Variants in DAB2IP observed in about 807,000 individuals in gnomAD.
DAB2IP encodes the protein disabled homolog 2-interacting protein.
DAB2IP carries 28 observed loss-of-function variants against 107.2 expected under a neutral mutation model. The observed-to-expected ratio is 0.26, with a 90% CI of 0.19 to 0.36. DAB2IP has a LOEUF of 0.36. Among genes scored for constraint, DAB2IP ranks in the 10% least tolerant of loss-of-function variants. The pLI, the probability that DAB2IP is intolerant of heterozygous loss-of-function variation, is 1.00. For synonymous variants in DAB2IP, 755 were observed against 706.4 expected, an observed-to-expected ratio of 1.07 and a Z score of -1.09; for missense variants, 1,400 against 1,644.7, an observed-to-expected ratio of 0.85 and a Z score of 2.57.
At chr9:121,622,289 C>T (rs1470305675) in intron 1 of DAB2IP, among the ~76,000 whole-genome samples, 6 of 152,172 alleles carry the variant, frequency 3.9e-5, no homozygotes, top group Admixed American at 3.9e-4. Flanking sequence ...CACCCGGCCC[C>T]GTTTGTGTTT....
chr9:121,604,845 A>G (rs1270345155), intron 1 of DAB2IP, among the ~76,000 whole-genome samples: 1 of 152,154 alleles, frequency 6.6e-6, no homozygotes, highest in African/African-American at 2.4e-5. Context: ...GCTTTGAATC[A>G]GGCATGATTT....
At chr9:121,757,276 A>ACT in intron 4 of DAB2IP, 110 bp downstream of exon 4, 1 of 1,430,158 alleles carries the variant, frequency 7.0e-7, no homozygotes, top group Non-Finnish European at 9.4e-7. Context: ...AGCAGGGGCC[A>ACT]GGGTCTTGGG....
In DAB2IP at chr9:121,634,578, T is replaced by C. The variant is rs536855461; in HGVS notation, c.41-44100T>C. ...CAGTTTGGAAGGGGTGACGCGCAGG[T>C]CTGAGAATGGGTGGGCAGTGGGGGT... On this transcript the variant is annotated intron_variant, in intron 1 of 16. Transcript: ENST00000259371. This position sits in a 1 kb window ranked among gnomAD's most constrained non-coding sequence, Gnocchi z 4.7. Among the ~76,000 whole-genome samples the C allele has an allele frequency of 1.2e-3, 179 of 151,880 alleles. 2 individuals carry two copies. The highest frequency in any genetic ancestry group is 3.9e-3 in the African/African-American group (162 of 41,392).
chr9:121,675,478 GC>G (rs1239866593), intron 1 of DAB2IP, among the ~76,000 whole-genome samples: 1 of 152,194 alleles, frequency 6.6e-6, no homozygotes, highest in Admixed American at 6.5e-5. Flanking sequence ...GCCTGGCACT[GC>G]CCATCTCCCA....
chr9:121,713,875 G>A (rs969397984), intron 3 of DAB2IP, among the ~76,000 whole-genome samples: 32 of 152,176 alleles, frequency 2.1e-4, no homozygotes, highest in African/African-American at 7.2e-4. Flanking sequence ...GGGGCTCTCT[G>A]ATGAACAGAA....
At position 121,651,748 on chromosome 9, in the gene DAB2IP, C is replaced by T. The variant is rs564516735; in HGVS notation, c.-28C>T. 3.3e-5 allele frequency: 43 copies of T among 1,306,556 alleles called. No individual in the cohort carries two copies. Among genetic ancestry groups the T allele is most frequent in the South Asian group, 1.0e-4 (5 of 48,560 alleles). 80.9% of individuals were successfully genotyped at this position (1,306,556 alleles called of 1,614,324 possible). ...TGGGGCCCGTGTGAGCGCGCCCAGG[C>T]CCGGCCCGGTGCCCGGCGGGCGGCA... On this transcript the variant is annotated 5_prime_UTR_variant, in exon 1 of 16. Transcript: ENST00000408936. The surrounding 1 kb of genome is among the most constrained non-coding windows in gnomAD (Gnocchi z 5.1).
intron 2 of DAB2IP, among the ~76,000 whole-genome samples, chr9:121,687,884 CTT>C (rs1436380660): frequency 1.3e-5 from 2 of 152,192 alleles, no homozygotes; most frequent in African/African-American, 4.8e-5. Context: ...CTGTTTTTCT[CTT>C]CATCTTACGG....
chr9:121,653,801 G>A (rs552993485), intron 1 of DAB2IP, among the ~76,000 whole-genome samples: 1 of 152,286 alleles, frequency 6.6e-6, no homozygotes, highest in African/African-American at 2.4e-5. Context: ...TGTCACCTGA[G>A]CCCCAGCTCC....
chr9:121,699,214 G>A lies in DAB2IP; in HGVS notation c.229-111G>A. 1.0e-6 allele frequency: 1 copy of A among 980,790 alleles called. No homozygotes were observed. Among genetic ancestry groups the A allele is most frequent in the Non-Finnish European group, 1.2e-6 (1 of 826,372 alleles). The allele number at this position is 980,790 out of a possible 1,614,324, so 60.8% of individuals were successfully genotyped here. A position where few individuals can be genotyped will look rare whatever the true frequency, so the allele number is the denominator to read the frequency against. On this transcript the variant is annotated intron_variant, in intron 2 of 15. Transcript: ENST00000408936. This position sits in a 1 kb window ranked among gnomAD's most constrained non-coding sequence, Gnocchi z 6.2. ...CTGGGGCCGAGCCCGAGCCCGGCCC[G>A]CCCTCGGCCGCGCGGCCGCCCAGCA...
At chr9:121,688,828 C>T (rs553470968) in intron 2 of DAB2IP, among the ~76,000 whole-genome samples, 54 of 152,254 alleles carry the variant, frequency 3.5e-4, no homozygotes, top group South Asian at 1.2e-3. Context: ...ATGGAGTAAG[C>T]GCAGGGTGAG....
At chr9:121,719,895 C>A (rs1013518679) in intron 3 of DAB2IP, among the ~76,000 whole-genome samples, 4 of 152,198 alleles carry the variant, frequency 2.6e-5, no homozygotes, top group Non-Finnish European at 5.9e-5. Context: ...CCTCTCAGGG[C>A]AGGGGCCCTG....
rs1412897989 is a variant in DAB2IP at position 121,635,948 on chromosome 9, G to A, written c.41-42730G>A. Among the ~76,000 whole-genome samples the A allele has an allele frequency of 6.6e-6, 1 of 152,188 alleles. No individual in the cohort carries two copies. Among genetic ancestry groups the A allele is most frequent in the East Asian group, 1.9e-4 (1 of 5,202 alleles). ...GATGGAGTCTTGCTCTGTCTCCCCAGGCTGGAGTGCAGTGGCACGATCTCG... is the reference window on the plus strand; with the variant it reads ...GATGGAGTCTTGCTCTGTCTCCCCAAGCTGGAGTGCAGTGGCACGATCTCG... On this transcript the variant is annotated intron_variant, in intron 1 of 16. Transcript: ENST00000259371. This position sits in a 1 kb window ranked among gnomAD's most constrained non-coding sequence, Gnocchi z 4.3.
intron 1 of DAB2IP, among the ~76,000 whole-genome samples, chr9:121,613,289 C>T (rs567155666): frequency 1.2e-4 from 19 of 152,202 alleles, no homozygotes; most frequent in Non-Finnish European, 2.1e-4. Context: ...CACCTTACCC[C>T]GACCTGACTG....
chr9:121,576,957 A>G (rs1353458178), intron 1 of DAB2IP, among the ~76,000 whole-genome samples: 3 of 151,850 alleles, frequency 2.0e-5, no homozygotes, highest in South Asian at 2.1e-4. Flanking sequence ...CCCTCACTCA[A>G]CTGCCCAACC....
intron 12 of DAB2IP, 59 bp from the exon 13 acceptor site, chr9:121,774,201 C>A (rs752630922): frequency 6.7e-7 from 1 of 1,489,204 alleles, no homozygotes; most frequent in Non-Finnish European, 8.9e-7. Context: ...GGGCCACTCC[C>A]GCCCCTCCTG....
chr9:121,625,410 T>A (rs1286194034), intron 1 of DAB2IP, among the ~76,000 whole-genome samples: 5 of 149,940 alleles, frequency 3.3e-5, no homozygotes, highest in Admixed American at 6.7e-5. Flanking sequence ...GGTGAACTCT[T>A]TTTTTTTTTA....
chr9:121,772,837 T>C lies in DAB2IP; in HGVS notation c.2309T>C (p.Leu770Pro). The change falls in exon 12 of 16, where the codon CTC becomes CCC. Residue 770 changes from leucine to proline, a missense_variant. Physicochemically the swap from Leu to Pro is moderately conservative, Grantham distance 98 (BLOSUM62 -3). Coordinates refer to ENST00000408936, the Ensembl canonical transcript of DAB2IP. This position sits in a 1 kb window ranked among gnomAD's most constrained non-coding sequence, Gnocchi z 4.7. ...GGCTCCCCGGCGGGCCCCGACGTCC[T>C]CCCCACAGATGGGCAGGCCGCTGCA... 6.2e-7 allele frequency: 1 copy of C among 1,603,038 alleles called. No individual in the cohort carries two copies. The highest frequency in any genetic ancestry group is 8.5e-7 in the Non-Finnish European group (1 of 1,176,740).
exon 16 of DAB2IP, chr9:121,783,633 G>T: frequency 6.5e-7 from 1 of 1,528,116 alleles, no homozygotes; most frequent in Non-Finnish European, 9.1e-7. Flanking sequence ...GGCCCTGGAG[G>T]ATGTTAGACT....
intron 8 of DAB2IP, among the ~76,000 whole-genome samples, chr9:121,764,794 A>G (rs779465578): frequency 3.0e-4 from 45 of 152,226 alleles, no homozygotes; most frequent in Middle Eastern, 3.4e-3. Context: ...CTTCCCCTGC[A>G]TACACTCCTG....
Sources: gnomAD v4.1 joint callset for allele counts (sites outside exome capture counted in the v4.1 genomes callset) on GRCh38, gnomAD v4.1.1 for gene constraint, Gnocchi (gnomAD v3.1) non-coding constraint, MANE v1.5 for transcripts, NCBI Gene and HGNC (gene_info 2026-07-23, HGNC 2026-07-21) for gene names.